ZNF133: variants seen among roughly 807,000 people sequenced by gnomAD.
ZNF133 encodes the protein zinc finger protein 133.
ZNF133 carries 26 observed loss-of-function variants against 54.9 expected under a neutral mutation model. That is an observed-to-expected ratio of 0.47 (90% CI 0.35 to 0.66). ZNF133 has a LOEUF of 0.66. Ranked by LOEUF, ZNF133 falls within the 30% of genes least tolerant of loss-of-function variation. The pLI, the probability that ZNF133 is intolerant of heterozygous loss-of-function variation, is 0.01. For synonymous variants in ZNF133, 298 were observed against 320.3 expected, an observed-to-expected ratio of 0.93 and a Z score of 0.74; for missense variants, 653 against 820.8, an observed-to-expected ratio of 0.80 and a Z score of 2.50.
At chr20:18,306,738 C>T (rs907483806) in intron 6 of ZNF133, 4 of 1,341,336 alleles carry the variant, frequency 3.0e-6, no homozygotes, top group African/African-American at 1.5e-5. Context: ...CTGTGACCTA[C>T]AGAAAGAAGG....
chr20:18,306,699 TA>T, intron 6 of ZNF133: 2 of 1,346,920 alleles, frequency 1.5e-6, no homozygotes, highest in African/African-American at 1.5e-5. Context: ...TACTGTTTTT[TA>T]AAAAGATCAT....
chr20:18,294,808 G>A (rs1395760171), intron 1 of ZNF133, among the ~76,000 whole-genome samples: 1 of 152,076 alleles, frequency 6.6e-6, no homozygotes, highest in African/African-American at 2.4e-5. Flanking sequence ...GCAATCCTGG[G>A]TAAATTTTTC....
At chr20:18,298,668 T>TGAC (rs1391472896) in intron 3 of ZNF133, among the ~76,000 whole-genome samples, 1 of 152,120 alleles carries the variant, frequency 6.6e-6, no homozygotes, top group African/African-American at 2.4e-5. Flanking sequence ...ATCACAGAGG[T>TGAC]GGTCCACTTA....
At chr20:18,292,519 A>C (rs2146858302) in intron 1 of ZNF133, among the ~76,000 whole-genome samples, 2 of 152,212 alleles carry the variant, frequency 1.3e-5, no homozygotes, top group South Asian at 4.1e-4. Context: ...TGGGCTCTTC[A>C]CATCCTTGAG....
intron 6 of ZNF133, chr20:18,310,360 A>C (rs2045610494): frequency 6.7e-7 from 1 of 1,494,736 alleles, no homozygotes; most frequent in African/African-American, 1.4e-5. Context: ...CTTGGATTTA[A>C]GACAGGCAAT....
At position 18,288,534 on chromosome 20, in the gene ZNF133, A is replaced by G. The variant is rs1053878662; in HGVS notation, c.-502A>G. On this transcript the variant is annotated 5_prime_UTR_variant, in exon 1 of 7. Transcript: ENST00000425686. ...CTGTGCCGAGGATTCGGGGTAGTGT[A>G]GTCCTGGCGCCCCGCTGGAGGAGCT... 4 of 398,518 alleles carry G rather than the reference A, an allele frequency of 1.0e-5. No individual in the cohort carries two copies. The highest frequency in any genetic ancestry group is 4.1e-5 in the African/African-American group (2 of 48,622). The allele number at this position is 398,518 out of a possible 1,614,324, so 24.7% of individuals were successfully genotyped here.
At chr20:18,292,409 A>G (rs2041263882) in intron 1 of ZNF133, among the ~76,000 whole-genome samples, 1 of 152,136 alleles carries the variant, frequency 6.6e-6, no homozygotes, top group Non-Finnish European at 1.5e-5. Context: ...GCCACAGTGA[A>G]CTGTCCGTCC....
chr20:18,314,085 G>A (rs2046779198), intron 6 of ZNF133: 1 of 152,222 alleles, frequency 6.6e-6, no homozygotes, highest in African/African-American at 2.4e-5. Context: ...AAGAAAAGGT[G>A]GTTCTGCTCA....
rs2044425246 is a variant in ZNF133 at position 18,305,713 on chromosome 20, T to C, written c.27T>C (p.Asp9=). The C allele has an allele frequency of 1.9e-6, 3 of 1,614,144 alleles. No individual in the cohort carries two copies. The highest frequency in any genetic ancestry group is 1.7e-5 in the Admixed American group (1 of 60,014). Residue 9 remains aspartate (D), a synonymous_variant, in exon 5 of 7, where the codon GAT becomes GAC. Coordinates refer to ENST00000425686, the MANE Select transcript of ZNF133 (RefSeq NM_001352452.2). The surrounding 1 kb of genome is among the most constrained non-coding windows in gnomAD (Gnocchi z 4.7). MAFRDVAV[D]FTQDEWRLLS... ...TGGCATTCAGGGATGTGGCTGTGGA[T>C]TTCACCCAGGATGAGTGGAGGCTGC...
At chr20:18,300,519 AAAAC>A (rs1403294203) in intron 3 of ZNF133, among the ~76,000 whole-genome samples, 2 of 152,224 alleles carry the variant, frequency 1.3e-5, no homozygotes, top group African/African-American at 4.8e-5. Flanking sequence ...TTTAAACTCT[AAAAC>A]AATTTGGCAT....
At chr20:18,308,196 T>C (rs1372177034) in intron 6 of ZNF133, among the ~76,000 whole-genome samples, 1 of 152,238 alleles carries the variant, frequency 6.6e-6, no homozygotes, top group African/African-American at 2.4e-5. Context: ...AAATTATATA[T>C]GTGCTTTAAT....
At chr20:18,290,111 G>A (rs1600303740) in intron 1 of ZNF133, 1 of 152,270 alleles carries the variant, frequency 6.6e-6, no homozygotes, top group African/African-American at 2.4e-5. Context: ...CGAACCATGA[G>A]TGGGTTTCTT....
intron 5 of ZNF133, 99 bp from the exon 6 acceptor site, chr20:18,306,199 T>G (rs1264989492): frequency 1.7e-6 from 2 of 1,156,292 alleles, no homozygotes; most frequent in Admixed American, 4.8e-5. Context: ...CTCAGGGCTT[T>G]GTACTACCTT....
At position 18,309,016 on chromosome 20, in the gene ZNF133, T is replaced by C. The variant is rs551465767; in HGVS notation, c.217+2623T>C. On this transcript the variant is annotated intron_variant, in intron 6 of 6. Transcript: ENST00000425686. ...AAGATCAAGTTGTCAGCAGGTTTGG[T>C]TGCTCTGAGTCCTCACTCCTGAACT... is the stretch of plus-strand genomic sequence containing the variant. Among the ~76,000 whole-genome samples the C allele has an allele frequency of 1.1e-3, 165 of 152,330 alleles. 1 individual carries two copies. Among genetic ancestry groups the C allele is most frequent in the African/African-American group, 3.9e-3 (162 of 41,568 alleles).
intron 1 of ZNF133, among the ~76,000 whole-genome samples, chr20:18,289,114 A>AT (rs147641282): frequency 0.098 from 14,870 of 152,060 alleles, 942 homozygotes; most frequent in South Asian, 0.16. Flanking sequence ...CTGGAGTGGA[A>AT]TGAGGAGCGG....
Position 18,305,931 on chromosome 20 carries a change from C to A in ZNF133, c.121+124C>A. On this transcript the variant is annotated intron_variant, in intron 5 of 6. Coordinates refer to ENST00000425686, the MANE Select transcript of ZNF133 (RefSeq NM_001352452.2). This position sits in a 1 kb window ranked among gnomAD's most constrained non-coding sequence, Gnocchi z 4.7. ...GACCAAAAAGCAACTACATTTTATTCGTGTTTCCCCAGGGAGGGTCTGATT... is the reference window on the plus strand; with the variant it reads ...GACCAAAAAGCAACTACATTTTATTAGTGTTTCCCCAGGGAGGGTCTGATT... 1.6e-6 allele frequency: 2 copies of A among 1,282,482 alleles called. No individual in the cohort carries two copies. The highest frequency in any genetic ancestry group is 2.1e-6 in the Non-Finnish European group (2 of 940,674). The allele number at this position is 1,282,482 out of a possible 1,614,324, so 79.4% of individuals were successfully genotyped here.
At chr20:18,306,705 G>T in intron 6 of ZNF133, 1 of 1,347,338 alleles carries the variant, frequency 7.4e-7, no homozygotes, top group Admixed American at 2.2e-5. Flanking sequence ...TTTTTAAAAA[G>T]ATCATCAAGA....
chr20:18,306,655 T>G, intron 6 of ZNF133: 2 of 1,246,536 alleles, frequency 1.6e-6, no homozygotes, highest in Non-Finnish European at 2.1e-6. Context: ...GCTCACTCAG[T>G]TCTCTTTCAT....
chr20:18,315,235 G>A lies in ZNF133; in HGVS notation c.384G>A (p.Glu128=). 6.2e-7 allele frequency: 1 copy of A among 1,614,102 alleles called. No homozygotes were observed. Among genetic ancestry groups the A allele is most frequent in the Non-Finnish European group, 8.5e-7 (1 of 1,179,990 alleles). ...GGGATCCGGGCCCAGGGGACCAGGAGAAGCAGCAACAAGCCTCTGAGGGGA... is the reference window on the plus strand; with the variant it reads ...GGGATCCGGGCCCAGGGGACCAGGAAAAGCAGCAACAAGCCTCTGAGGGGA... ...QPGDPGPGDQ[E]KQQQASEGRP... is the part of the protein sequence containing the mutation. Residue 128 remains glutamate (E), a synonymous_variant, in exon 7 of 7, where the codon GAG becomes GAA. Coordinates refer to ENST00000425686, the MANE Select transcript of ZNF133 (RefSeq NM_001352452.2).
Sources: allele counts gnomAD v4.1 joint callset (sites outside exome capture counted in the v4.1 genomes callset), GRCh38; gene constraint gnomAD v4.1.1; non-coding constraint Gnocchi (gnomAD v3.1); transcripts MANE v1.5; gene names NCBI Gene and HGNC (gene_info 2026-07-23, HGNC 2026-07-21).